The following LRMDA variants were observed in gnomAD, a reference collection of about 807,000 sequenced individuals.
LRMDA encodes the protein leucine rich melanocyte differentiation associated.
LRMDA carries 18 observed loss-of-function variants against 29.8 expected under a neutral mutation model. The ratio of observed to expected loss-of-function variants is 0.60; its 90% CI spans 0.42 to 0.90. The LOEUF is 0.90. LRMDA is among the 40% of genes least tolerant of loss of function. The pLI is 0.00. For missense variants in LRMDA, 273 were observed against 273.9 expected (o/e 1.00, Z 0.02); for synonymous variants, 125 against 109.4 (o/e 1.14, Z -0.89).
chr10:76,321,115 A>T (rs150166465), intron 5 of LRMDA, among the ~76,000 whole-genome samples: 1 of 152,084 alleles, frequency 6.6e-6, no homozygotes, highest in Non-Finnish European at 1.5e-5. Context: ...GTTAATTCCA[A>T]TTTCTTCTGT....
intron 6 of LRMDA, among the ~76,000 whole-genome samples, chr10:76,429,748 G>A (rs532698877): frequency 1.3e-5 from 2 of 152,172 alleles, no homozygotes; most frequent in Non-Finnish European, 2.9e-5. Flanking sequence ...GCTAAATTAA[G>A]ATTTTAATTA....
intron 6 of LRMDA, among the ~76,000 whole-genome samples, chr10:76,452,966 A>C (rs1265177078): frequency 6.6e-6 from 1 of 152,144 alleles, no homozygotes; most frequent in East Asian, 1.9e-4. Context: ...CTGGACTTCT[A>C]TATATTTGAA....
intron 2 of LRMDA, among the ~76,000 whole-genome samples, chr10:75,980,673 G>A (rs1847152725): frequency 6.6e-6 from 1 of 152,192 alleles, no homozygotes; most frequent in South Asian, 2.1e-4. Flanking sequence ...GGCTCAATGT[G>A]TTACTCTCAT....
intron 2 of LRMDA, among the ~76,000 whole-genome samples, chr10:75,827,400 C>T (rs1014892853): frequency 6.6e-6 from 1 of 152,134 alleles, no homozygotes; most frequent in Non-Finnish European, 1.5e-5. Flanking sequence ...ACTTTTAGAC[C>T]TGGAGACATT....
chr10:76,253,986 C>T (rs1391857421), intron 5 of LRMDA, among the ~76,000 whole-genome samples: 2 of 152,086 alleles, frequency 1.3e-5, no homozygotes, highest in African/African-American at 4.8e-5. Context: ...TTTAATCATT[C>T]TGCCTTTCCT....
chr10:75,795,862 A>G (rs1481978406), intron 2 of LRMDA, among the ~76,000 whole-genome samples: 1 of 152,202 alleles, frequency 6.6e-6, no homozygotes, highest in African/African-American at 2.4e-5. Flanking sequence ...TTTTCAATCC[A>G]TAAATGTATT....
chr10:75,845,223 A>G (rs61861031), intron 2 of LRMDA, among the ~76,000 whole-genome samples: 11 of 150,740 alleles, frequency 7.3e-5, no homozygotes, highest in Non-Finnish European at 7.4e-5. Context: ...TTTTTTTTAA[A>G]TGCAATATTT....
intron 5 of LRMDA, among the ~76,000 whole-genome samples, chr10:76,147,584 G>A (rs772383475): frequency 5.3e-5 from 8 of 151,828 alleles, no homozygotes; most frequent in Non-Finnish European, 1.2e-4. Flanking sequence ...TTATCCATTC[G>A]TCTAATTTTT....
chr10:76,379,660 AC>A (rs1325822001), intron 6 of LRMDA, among the ~76,000 whole-genome samples: 1 of 152,032 alleles, frequency 6.6e-6, no homozygotes, highest in Admixed American at 6.6e-5. Flanking sequence ...TTTCAAAAAA[AC>A]GACTTTTTGT....
chr10:75,903,037 C>T (rs1022202126), intron 2 of LRMDA, among the ~76,000 whole-genome samples: 9 of 152,162 alleles, frequency 5.9e-5, no homozygotes, highest in African/African-American at 2.2e-4. Context: ...TAGGAGGGGC[C>T]GTTCTGACTG....
chr10:75,731,618 T>A (rs1842698137), intron 2 of LRMDA, among the ~76,000 whole-genome samples: 1 of 152,236 alleles, frequency 6.6e-6, no homozygotes, highest in African/African-American at 2.4e-5. Flanking sequence ...GTCATTCCCA[T>A]CTCTGGACTC....
chr10:76,046,594 C>G (rs1387374088), intron 3 of LRMDA, among the ~76,000 whole-genome samples: 2 of 152,172 alleles, frequency 1.3e-5, no homozygotes, highest in African/African-American at 4.8e-5. Flanking sequence ...AAGCGATTCT[C>G]CTGCCTCAGC....
At chr10:76,404,439 T>A (rs1261084872) in intron 6 of LRMDA, among the ~76,000 whole-genome samples, 1 of 152,222 alleles carries the variant, frequency 6.6e-6, no homozygotes, top group East Asian at 1.9e-4. Context: ...GGCTGGCTTT[T>A]ACTTACAATA....
At chr10:76,078,861 A>G (rs1849006362) in intron 5 of LRMDA, among the ~76,000 whole-genome samples, 1 of 152,100 alleles carries the variant, frequency 6.6e-6, no homozygotes, top group Admixed American at 6.5e-5. Context: ...AAACAAAAAA[A>G]ATGGATTTCA....
intron 5 of LRMDA, among the ~76,000 whole-genome samples, chr10:76,095,637 C>T (rs1361469613): frequency 6.6e-6 from 1 of 152,236 alleles, no homozygotes; most frequent in Non-Finnish European, 1.5e-5. Context: ...TCCAGTTCTA[C>T]TCACTTGCTA....
At chr10:76,468,122 C>T (rs991118037) in intron 6 of LRMDA, among the ~76,000 whole-genome samples, 3 of 140,484 alleles carry the variant, frequency 2.1e-5, no homozygotes, top group Non-Finnish European at 3.2e-5. Flanking sequence ...AGGATTAAAT[C>T]GCTGTAGACT....
At chr10:75,477,332 A>G (rs1844807777) in intron 2 of LRMDA, among the ~76,000 whole-genome samples, 4 of 152,118 alleles carry the variant, frequency 2.6e-5, no homozygotes, top group Admixed American at 2.6e-4. Context: ...ATCTCTTTAA[A>G]GACCCTGTCT....
At chr10:76,005,322 C>T (rs78032124) in intron 2 of LRMDA, among the ~76,000 whole-genome samples, 186 of 152,332 alleles carry the variant, frequency 1.2e-3, no homozygotes, top group African/African-American at 4.3e-3. Context: ...ATCCTTTCAA[C>T]TTGTTGAAAT....
chr10:76,490,939 A>C (rs980160558), intron 6 of LRMDA, among the ~76,000 whole-genome samples: 1 of 151,590 alleles, frequency 6.6e-6, no homozygotes, highest in Admixed American at 6.6e-5. Flanking sequence ...TTTCTATTGT[A>C]TATTTTTTTA....
Sources: allele counts gnomAD v4.1 joint callset (sites outside exome capture counted in the v4.1 genomes callset), GRCh38; gene constraint gnomAD v4.1.1; transcripts MANE v1.5; gene names NCBI Gene and HGNC (gene_info 2026-07-23, HGNC 2026-07-21).